The following ARHGEF18 variants were observed in gnomAD, a reference collection of about 807,000 sequenced individuals.
ARHGEF18 encodes rho guanine nucleotide exchange factor 18.
Under a neutral mutation model 155.7 loss-of-function variants are expected in ARHGEF18, and 93 were observed. The ratio of observed to expected loss-of-function variants is 0.60; its 90% CI spans 0.50 to 0.71. The LOEUF (loss-of-function observed/expected upper bound fraction) is 0.71. Among genes scored for constraint, ARHGEF18 ranks in the 30% least tolerant of loss-of-function variants. The probability of loss-of-function intolerance (pLI) is 0.00; values close to 1 mark genes in which losing one functional copy is unlikely to be tolerated. For missense variants in ARHGEF18, 1,593 were observed against 1,816.1 expected, an observed-to-expected ratio of 0.88 and a Z score of 2.23; for synonymous variants, 742 against 753.1, an observed-to-expected ratio of 0.99 and a Z score of 0.24.
At chr19:7,355,076 A>T (rs1462002184) in intron 1 of ARHGEF18, among the ~76,000 whole-genome samples, 28 of 1,410 alleles carry the variant, frequency 0.02, no homozygotes, top group African/African-American at 0.03. Flanking sequence ...CTTCACACAC[A>T]CACACACACA....
chr19:7,469,194 C>T lies in ARHGEF18; in HGVS notation c.3787+63C>T, dbSNP rs1229478294. The stretch of plus-strand genomic sequence containing the variant: ...TGCAACTGGTCAGGCTCTAGCGGCT[C>T]GCTGGGAGCCAGGAAATTCGGGACA... On this transcript the variant is annotated intron_variant, in intron 27 of 28. Coordinates refer to ENST00000668164, the MANE Select transcript of ARHGEF18 (RefSeq NM_001367823.1). 11 of 1,466,156 alleles carry T rather than the reference C, an allele frequency of 7.5e-6. No individual in the cohort carries two copies. In the South Asian group the frequency reaches 1.1e-4, roughly 14 times the overall value. The allele number at this position is 1,466,156 out of a possible 1,614,324, so 90.8% of individuals were successfully genotyped here. A position where few individuals can be genotyped will look rare whatever the true frequency, so the allele number is the denominator to read the frequency against.
intron 1 of ARHGEF18, among the ~76,000 whole-genome samples, chr19:7,358,020 T>A (rs1416936119): frequency 6.6e-6 from 1 of 152,092 alleles, no homozygotes; most frequent in East Asian, 1.9e-4. Flanking sequence ...ATCTCCTGAG[T>A]GTAATGCATC....
intron 6 of ARHGEF18, 49 bp downstream of exon 6, chr19:7,378,500 C>T: frequency 3.3e-6 from 4 of 1,229,276 alleles, no homozygotes; most frequent in Non-Finnish European, 4.1e-6. Flanking sequence ...GAACAGGCCA[C>T]AAAGTCAGGG....
At position 7,372,976 on chromosome 19, in the gene ARHGEF18, AAG is replaced by A; in HGVS notation, c.184_185del (p.Asp62PhefsTer40). ...GCCGCCCCACCGGTGAAGAACCAGG[AAG>A]AGATTCTCTTTTCTCCAGCTTGGCA... ...DSRPTGEEPG[R>X]DSLFSSLAGS... On this transcript the variant is annotated frameshift_variant, in exon 3 of 29. Transcript: ENST00000668164. LOFTEE classifies it high-confidence loss of function. The A allele has an allele frequency of 8.1e-7, 1 of 1,234,550 alleles. No individual in the cohort carries two copies. The highest frequency in any genetic ancestry group is 1.0e-6 in the Non-Finnish European group (1 of 988,308). 76.5% of individuals were successfully genotyped at this position (1,234,550 alleles called of 1,614,324 possible). A position where few individuals can be genotyped will look rare whatever the true frequency, so the allele number is the denominator to read the frequency against.
intron 10 of ARHGEF18, among the ~76,000 whole-genome samples, chr19:7,430,852 A>G (rs1973917599): frequency 6.6e-6 from 1 of 152,104 alleles, no homozygotes; most frequent in Non-Finnish European, 1.5e-5. Context: ...ACATCCATAG[A>G]CAATAAATAA....
In ARHGEF18 at chr19:7,383,212, G is replaced by C; in HGVS notation, c.967+9G>C. On this transcript the variant is annotated intron_variant, in intron 10 of 28. Transcript: ENST00000668164. ...ACCTTTCTTGAGCTCAGGTAAGTCTGGTGGCCCAATCCATCCTCCTGGAGG... is the reference window on the plus strand; with the variant it reads ...ACCTTTCTTGAGCTCAGGTAAGTCTCGTGGCCCAATCCATCCTCCTGGAGG... 8.1e-7 allele frequency: 1 copy of C among 1,232,390 alleles called. No individual in the cohort carries two copies. The highest frequency in any genetic ancestry group is 1.5e-5 in the African/African-American group (1 of 64,538). The allele number at this position is 1,232,390 out of a possible 1,614,324, so 76.3% of individuals were successfully genotyped here. A position where few individuals can be genotyped will look rare whatever the true frequency, so the allele number is the denominator to read the frequency against.
chr19:7,379,845 T>C (rs540974615), intron 7 of ARHGEF18, among the ~76,000 whole-genome samples: 2 of 152,020 alleles, frequency 1.3e-5, no homozygotes, highest in Non-Finnish European at 2.9e-5. Context: ...TTGGGAAAGA[T>C]AGTGAGACCC....
chr19:7,406,161 A>G (rs980769677), intron 10 of ARHGEF18, among the ~76,000 whole-genome samples: 9 of 151,460 alleles, frequency 5.9e-5, no homozygotes, highest in African/African-American at 1.9e-4. Context: ...GCTCACTGCA[A>G]CCTCCACCAT....
intron 10 of ARHGEF18, among the ~76,000 whole-genome samples, chr19:7,417,057 G>A (rs1383784374): frequency 6.6e-6 from 1 of 151,968 alleles, no homozygotes; most frequent in African/African-American, 2.4e-5. Flanking sequence ...TTACAGGCAC[G>A]CACCACCACA....
chr19:7,356,463 G>A (rs1052811609), intron 1 of ARHGEF18, among the ~76,000 whole-genome samples: 2 of 151,718 alleles, frequency 1.3e-5, no homozygotes, highest in Admixed American at 1.3e-4. Flanking sequence ...TCGTAGAGAC[G>A]GGGTTTCACC....
At chr19:7,353,957 T>A (rs1164833804) in intron 1 of ARHGEF18, among the ~76,000 whole-genome samples, 6 of 136,302 alleles carry the variant, frequency 4.4e-5, no homozygotes, top group African/African-American at 5.5e-5. Flanking sequence ...AGACTCTGTC[T>A]AAAAAAAAAA....
chr19:7,362,954 A>T (rs1211081569), intron 2 of ARHGEF18, 49 bp downstream of exon 2: 9 of 1,234,234 alleles, frequency 7.3e-6, no homozygotes, highest in Non-Finnish European at 9.1e-6. Context: ...CGACAGTGGC[A>T]GCAAGTACAC....
At position 7,463,494 on chromosome 19, in the gene ARHGEF18, G is replaced by T. The variant is rs556884933; in HGVS notation, c.2636-324G>T. ...AGTGTTTCCTGCTGGCCCTGGGCAG[G>T]GCCACATCCAGCATTCGCCAGCCCC... On this transcript the variant is annotated intron_variant, in intron 21 of 28. Transcript: ENST00000668164. The surrounding 1 kb of genome is among the most constrained non-coding windows in gnomAD (Gnocchi z 5.2). 3.3e-5 allele frequency among the ~76,000 whole-genome samples: 5 copies of T among 152,284 alleles called. No individual in the cohort carries two copies. Among genetic ancestry groups the T allele is most frequent in the African/African-American group, 7.2e-5 (3 of 41,550 alleles).
Position 7,442,004 on chromosome 19 carries a change from G to A in ARHGEF18, c.1312G>A (p.Ala438Thr), listed in dbSNP as rs200389568. 5.6e-6 allele frequency: 9 copies of A among 1,614,048 alleles called. No homozygotes were observed. Among genetic ancestry groups the A allele is most frequent in the African/African-American group, 2.7e-5 (2 of 75,024 alleles). Residue 438 changes from alanine (A) to threonine (T), a missense_variant, in exon 13 of 29, where the codon GCC (alanine) becomes ACC (threonine). Transcript: ENST00000668164. ...SWSLAVDAAY[A>T]KKQKREVVKR... Reference sequence around the variant, plus strand: ...GAGCCTCGCCGTGGATGCAGCCTACGCCAAGAAGCAAAAGAGGGAGGTGGT... The same window carrying A: ...GAGCCTCGCCGTGGATGCAGCCTACACCAAGAAGCAAAAGAGGGAGGTGGT...
intron 7 of ARHGEF18, among the ~76,000 whole-genome samples, chr19:7,379,740 T>C (rs1286543001): frequency 1.3e-5 from 2 of 152,134 alleles, no homozygotes; most frequent in Non-Finnish European, 2.9e-5. Flanking sequence ...AAAATCTTCC[T>C]GTAGCTGGAT....
intron 14 of ARHGEF18, among the ~76,000 whole-genome samples, chr19:7,445,744 C>T (rs1335396606): frequency 2.0e-5 from 3 of 152,028 alleles, no homozygotes; most frequent in South Asian, 2.1e-4. Context: ...CTCAGCCTCC[C>T]GAGTAGCTGG....
At chr19:7,439,895 C>A in intron 10 of ARHGEF18, 2 of 1,427,374 alleles carry the variant, frequency 1.4e-6, no homozygotes, top group Non-Finnish European at 9.2e-7. Context: ...TTTTTTTTTT[C>A]TGTTTTATTC....
intron 16 of ARHGEF18, 141 bp from the exon 17 acceptor site, chr19:7,453,326 A>G: frequency 1.1e-6 from 1 of 927,478 alleles, no homozygotes; most frequent in Non-Finnish European, 1.5e-6. Flanking sequence ...GGCCTTGGAG[A>G]ACACACCTCA....
At chr19:7,426,295 C>G (rs1973656351) in intron 10 of ARHGEF18, among the ~76,000 whole-genome samples, 1 of 152,024 alleles carries the variant, frequency 6.6e-6, no homozygotes, top group South Asian at 2.1e-4. Context: ...GGAGACCAGC[C>G]TGGCCAACAT....
Sources: allele counts gnomAD v4.1 joint callset (sites outside exome capture counted in the v4.1 genomes callset), GRCh38; gene constraint gnomAD v4.1.1; non-coding constraint Gnocchi (gnomAD v3.1); transcripts MANE v1.5; gene names NCBI Gene and HGNC (gene_info 2026-07-23, HGNC 2026-07-21).